SORCS1: variants seen among roughly 807,000 people sequenced by gnomAD.
SORCS1 encodes the protein VPS10 domain-containing receptor SorCS1.
SORCS1 carries 60 observed loss-of-function variants against 146.1 expected under a neutral mutation model. The observed-to-expected ratio is 0.41, with a 90% confidence interval of 0.33 to 0.51. SORCS1 has a LOEUF of 0.51. Ranked by LOEUF, SORCS1 falls within the 20% of genes least tolerant of loss-of-function variation. The pLI is 0.21. For synonymous variants in SORCS1, 637 were observed against 584.0 expected (o/e 1.09, Z -1.31); for missense variants, 1,352 against 1,487.6 (o/e 0.91, Z 1.50).
At chr10:107,004,063 T>G (rs1957331037) in intron 1 of SORCS1, among the ~76,000 whole-genome samples, 1 of 150,020 alleles carries the variant, frequency 6.7e-6, no homozygotes, top group African/African-American at 2.5e-5. Context: ...TAGTCCCAGC[T>G]AGTTTGGAAG....
intron 1 of SORCS1, among the ~76,000 whole-genome samples, chr10:106,997,147 T>C (rs2139568190): frequency 6.6e-6 from 1 of 152,250 alleles, no homozygotes; most frequent in Non-Finnish European, 1.5e-5. Context: ...CTGATATTCT[T>C]TCTCCTGGTA....
intron 1 of SORCS1, among the ~76,000 whole-genome samples, chr10:106,983,213 AATAT>A (rs201546586): frequency 6.8e-6 from 1 of 147,400 alleles, no homozygotes; most frequent in African/African-American, 2.5e-5. Context: ...TCTATATATA[AATAT>A]ATATACATAT....
At chr10:106,949,264 T>C (rs1407396198) in intron 2 of SORCS1, among the ~76,000 whole-genome samples, 1 of 152,192 alleles carries the variant, frequency 6.6e-6, no homozygotes, top group African/African-American at 2.4e-5. Flanking sequence ...AGGATGTGCA[T>C]ATAGCCTTGT....
At chr10:106,851,429 G>A (rs778548945) in intron 2 of SORCS1, among the ~76,000 whole-genome samples, 21 of 152,182 alleles carry the variant, frequency 1.4e-4, no homozygotes, top group Non-Finnish European at 2.9e-4. Context: ...GCCTGTGGGT[G>A]TCCAGTTGTT....
chr10:107,153,619 C>CA (rs1334557837), intron 1 of SORCS1, among the ~76,000 whole-genome samples: 8 of 152,232 alleles, frequency 5.3e-5, no homozygotes, highest in Admixed American at 1.3e-4. Context: ...TGCTCTTTTG[C>CA]AAAAAGCCTG....
At chr10:107,048,098 A>G (rs1298493019) in intron 1 of SORCS1, among the ~76,000 whole-genome samples, 1 of 151,922 alleles carries the variant, frequency 6.6e-6, no homozygotes, top group Non-Finnish European at 1.5e-5. Flanking sequence ...AACAACAAAA[A>G]GACTTTACTC....
In SORCS1 at chr10:106,671,313, G is replaced by A. The variant is rs755683866; in HGVS notation, c.2113C>T (p.Arg705Trp). The change falls in exon 16 of 26, where the codon CGG (arginine) becomes TGG (tryptophan). Residue 705 changes from arginine to tryptophan, a missense_variant. Physicochemically the swap from Arg to Trp is moderately radical, Grantham distance 101 (BLOSUM62 -3). Around this residue, in one of 3 missense-constraint regions of SORCS1, gnomAD observed 648 missense variants for 793.8 expected, o/e 0.82. Coordinates refer to ENST00000263054, the MANE Select transcript of SORCS1 (RefSeq NM_052918.5). ...KRIYKKRKSERKCMQGKYAGA... is the reference protein window; with the variant it reads ...KRIYKKRKSEWKCMQGKYAGA... ...GCATATTTTCCTTGCATACACTTCC[G>A]CTCTGATTTTCGCTTCTTATATATC... 12 of 1,613,898 alleles carry A rather than the reference G, an allele frequency of 7.4e-6. No individual in the cohort carries two copies. The highest frequency in any genetic ancestry group is 2.2e-5 in the East Asian group (1 of 44,876).
At chr10:106,830,120 C>A (rs1948475211) in intron 2 of SORCS1, among the ~76,000 whole-genome samples, 1 of 152,144 alleles carries the variant, frequency 6.6e-6, no homozygotes, top group Non-Finnish European at 1.5e-5. Flanking sequence ...TCAGTCCCTT[C>A]AAAGGTCAGT....
chr10:106,849,318 C>G (rs914165168), intron 2 of SORCS1, among the ~76,000 whole-genome samples: 1 of 150,598 alleles, frequency 6.6e-6, no homozygotes, highest in East Asian at 2.0e-4. Flanking sequence ...CTTCCCTTCT[C>G]GCTTCACTTC....
the SORCS1 span, among the ~76,000 whole-genome samples, chr10:107,172,178 C>T: frequency 3.3e-5 from 5 of 152,236 alleles, no homozygotes; most frequent in African/African-American, 1.2e-4. Context: ...TCTCATCCAA[C>T]TCACTGATAC....
At chr10:106,876,139 C>G (rs1232978600) in intron 2 of SORCS1, among the ~76,000 whole-genome samples, 1 of 152,156 alleles carries the variant, frequency 6.6e-6, no homozygotes, top group East Asian at 1.9e-4. Context: ...TTCCTTTTCA[C>G]TTAGAACCAG....
chr10:107,040,299 G>A (rs1239918426), intron 1 of SORCS1, among the ~76,000 whole-genome samples: 2 of 152,104 alleles, frequency 1.3e-5, no homozygotes, highest in Non-Finnish European at 2.9e-5. Flanking sequence ...GGGGGCTTAT[G>A]CTCAGATCAG....
intron 17 of SORCS1, among the ~76,000 whole-genome samples, chr10:106,657,889 A>C (rs1359307316): frequency 6.6e-6 from 1 of 152,080 alleles, no homozygotes; most frequent in Non-Finnish European, 1.5e-5. Context: ...TGGGAAGATT[A>C]AATGAGACAA....
chr10:106,832,453 T>C (rs888427788), intron 2 of SORCS1, among the ~76,000 whole-genome samples: 1 of 152,116 alleles, frequency 6.6e-6, no homozygotes, highest in Non-Finnish European at 1.5e-5. Context: ...ACTCTCGAAG[T>C]TCTGGGATTA....
chr10:106,819,607 G>A (rs7901819), intron 3 of SORCS1, among the ~76,000 whole-genome samples: 1 of 152,146 alleles, frequency 6.6e-6, no homozygotes, highest in African/African-American at 2.4e-5. Flanking sequence ...ATTAAGTGTG[G>A]GCAGCAGCGA....
intron 3 of SORCS1, among the ~76,000 whole-genome samples, chr10:106,795,984 G>C (rs1266925932): frequency 6.6e-6 from 1 of 152,116 alleles, no homozygotes; most frequent in Non-Finnish European, 1.5e-5. Context: ...GGTTTTTCTG[G>C]GGTGAGAGAT....
chr10:106,782,847 G>A (rs1257137794), intron 3 of SORCS1, among the ~76,000 whole-genome samples: 2 of 152,192 alleles, frequency 1.3e-5, no homozygotes, highest in South Asian at 2.1e-4. Context: ...GGCTGAGCAT[G>A]GGGCTGGTGC....
chr10:106,796,791 A>T (rs2136586753), intron 3 of SORCS1, among the ~76,000 whole-genome samples: 1 of 152,328 alleles, frequency 6.6e-6, no homozygotes, highest in Middle Eastern at 3.4e-3. Context: ...TTTCCACTCA[A>T]ACCAAAAGTA....
At chr10:106,961,349 A>G (rs981355769) in intron 1 of SORCS1, among the ~76,000 whole-genome samples, 2 of 152,234 alleles carry the variant, frequency 1.3e-5, no homozygotes, top group Non-Finnish European at 2.9e-5. Flanking sequence ...TGAAACTCCA[A>G]ACATTTAAGG....
Sources: allele counts gnomAD v4.1 joint callset (sites outside exome capture counted in the v4.1 genomes callset), GRCh38; gene constraint gnomAD v4.1.1; regional missense constraint gnomAD v4.1.1; transcripts MANE v1.5; gene names NCBI Gene and HGNC (gene_info 2026-07-23, HGNC 2026-07-21).